The following ACSM2B variants were observed in gnomAD, a reference collection of about 807,000 sequenced individuals.
ACSM2B encodes the protein acyl-coenzyme A synthetase ACSM2B, mitochondrial.
ACSM2B carries 58 observed loss-of-function variants against 78.6 expected under a neutral mutation model. The ratio of observed to expected loss-of-function variants is 0.74; its 90% CI spans 0.60 to 0.92. The LOEUF (loss-of-function observed/expected upper bound fraction) is 0.92. Ranked by LOEUF, ACSM2B falls within the 40% of genes least tolerant of loss-of-function variation. The probability of loss-of-function intolerance (pLI) is 0.00; values close to 1 mark genes in which losing one functional copy is unlikely to be tolerated. For missense variants in ACSM2B, 688 were observed against 711.2 expected (o/e 0.97, Z 0.37); for synonymous variants, 257 against 256.8 (o/e 1.00, Z -0.01).
At chr16:20,568,401 T>C (rs2015996994) in intron 1 of ACSM2B, among the ~76,000 whole-genome samples, 1 of 146,300 alleles carries the variant, frequency 6.8e-6, no homozygotes, top group South Asian at 2.1e-4. Context: ...CTACTATATA[T>C]AAATATTTAT....
chr16:20,567,822 A>T (rs2015973440), intron 1 of ACSM2B, among the ~76,000 whole-genome samples: 1 of 141,646 alleles, frequency 7.1e-6, no homozygotes, highest in Admixed American at 7.6e-5. Context: ...ATGTATAGAT[A>T]TATAAAACTA....
chr16:20,566,634 GTATA>G (rs1435572808), intron 1 of ACSM2B, among the ~76,000 whole-genome samples: 498 of 40,186 alleles, frequency 0.012, 28 homozygotes, highest in African/African-American at 0.076. Flanking sequence ...ACTATATATA[GTATA>G]TATATACTAT....
intron 10 of ACSM2B, 199 bp downstream of exon 10, chr16:20,544,958 A>G (rs1300458968): frequency 3.0e-6 from 3 of 1,012,142 alleles, no homozygotes; most frequent in Non-Finnish European, 4.0e-6. Flanking sequence ...TTCCAATGAG[A>G]TCACAGTGAT....
intron 10 of ACSM2B, 41 bp downstream of exon 10, chr16:20,545,116 T>C (rs189182398): frequency 1.3e-6 from 2 of 1,589,164 alleles, no homozygotes; most frequent in South Asian, 2.3e-5. Context: ...AGTGCTCCCA[T>C]CCTCACTGGG....
intron 1 of ACSM2B, among the ~76,000 whole-genome samples, chr16:20,565,348 C>T (rs1467172318): frequency 3.3e-5 from 5 of 152,136 alleles, no homozygotes; most frequent in Non-Finnish European, 7.4e-5. Context: ...TCATCAGAAA[C>T]TCTCACATTT....
chr16:20,548,341 G>A (rs891121493), intron 7 of ACSM2B, 53 bp downstream of exon 7: 85 of 1,608,886 alleles, frequency 5.3e-5, no homozygotes, highest in Non-Finnish European at 6.3e-5. Flanking sequence ...TGTATGTGAG[G>A]GAGTCAGGGG....
intron 10 of ACSM2B, 148 bp downstream of exon 10, chr16:20,545,009 C>T (rs2015093396): frequency 1.7e-6 from 2 of 1,191,652 alleles, no homozygotes; most frequent in South Asian, 4.2e-5. Flanking sequence ...TTTTCTTCCA[C>T]TGGCAAAGCA....
At position 20,537,145 on chromosome 16, in the gene ACSM2B, T is replaced by C; in HGVS notation, c.*113A>G. The C allele has an allele frequency of 8.3e-6, 11 of 1,321,540 alleles. No homozygotes were observed. Among genetic ancestry groups the C allele is most frequent in the Non-Finnish European group, 1.1e-5 (10 of 941,926 alleles). The allele number at this position is 1,321,540 out of a possible 1,614,324, so 81.9% of individuals were successfully genotyped here. ...GCTAATAACCAGGGCAAGACAAAAC[T>C]TACATTCATGTTCTTTCATAAAGAA... On this transcript the variant is annotated 3_prime_UTR_variant, in exon 14 of 14. Transcript: ENST00000329697.
rs1421520259 is a variant in ACSM2B at position 20,559,362 on chromosome 16, T to C, written c.263A>G (p.Glu88Gly). The change falls in exon 3 of 14, where the codon GAA becomes GGA. Residue 88 changes from glutamate (E) to glycine (G), a missense_variant. Coordinates refer to ENST00000329697, the MANE Select transcript of ACSM2B (RefSeq NM_001105069.2). ...GATGTTGGCTGCCTGCTGGCTGTTT[T>C]CACTCAGTTCTCTGAAATTCCACAT... ...ELMWNFRELSENSQQAANILS... is the reference protein window; with the variant it reads ...ELMWNFRELSGNSQQAANILS... The C allele has an allele frequency of 2.5e-6, 4 of 1,610,848 alleles. No individual in the cohort carries two copies. The highest frequency in any genetic ancestry group is 1.7e-5 in the Admixed American group (1 of 59,750).
intron 1 of ACSM2B, among the ~76,000 whole-genome samples, chr16:20,566,092 A>G (rs1323180215): frequency 7.1e-6 from 1 of 140,458 alleles, no homozygotes; most frequent in Non-Finnish European, 1.5e-5. Flanking sequence ...TGTATGTATT[A>G]TATAGTATAT....
intron 3 of ACSM2B, among the ~76,000 whole-genome samples, chr16:20,557,804 C>T (rs1332778595): frequency 1.3e-5 from 2 of 152,140 alleles, no homozygotes; most frequent in Non-Finnish European, 2.9e-5. Flanking sequence ...CTTCCCTCCC[C>T]TGTGGCTTTG....
intron 1 of ACSM2B, among the ~76,000 whole-genome samples, chr16:20,569,291 ATT>A (rs2016025644): frequency 6.6e-6 from 1 of 151,918 alleles, no homozygotes; most frequent in Admixed American, 6.6e-5. Context: ...TGGCTTGCCA[ATT>A]ATCCCAGAAC....
chr16:20,543,058 C>G (rs769156186), intron 11 of ACSM2B, 45 bp from the exon 12 acceptor site: 4 of 1,612,932 alleles, frequency 2.5e-6, no homozygotes, highest in South Asian at 1.1e-5. Flanking sequence ...CACCGAACCT[C>G]TAGGCCATTC....
intron 2 of ACSM2B, among the ~76,000 whole-genome samples, chr16:20,562,570 C>A (rs1259484385): frequency 6.6e-6 from 1 of 152,112 alleles, no homozygotes; most frequent in African/African-American, 2.4e-5. Flanking sequence ...AACTTTAAAG[C>A]AAGGATGACA....
intron 1 of ACSM2B, among the ~76,000 whole-genome samples, chr16:20,573,125 G>A (rs1393251651): frequency 6.6e-6 from 1 of 151,600 alleles, no homozygotes; most frequent in South Asian, 2.1e-4. Context: ...TTTTTGGGGG[G>A]AGGTGTTAAA....
chr16:20,568,172 G>T (rs1229932256), intron 1 of ACSM2B, among the ~76,000 whole-genome samples: 1 of 141,326 alleles, frequency 7.1e-6, no homozygotes, highest in Non-Finnish European at 1.5e-5. Context: ...CAGGAGTGTG[G>T]CAAAATATAT....
chr16:20,557,139 T>G (rs1024879440), intron 3 of ACSM2B, among the ~76,000 whole-genome samples: 3 of 152,216 alleles, frequency 2.0e-5, no homozygotes, highest in Admixed American at 1.3e-4. Flanking sequence ...TTCTCATCCT[T>G]TTAATATAAA....
intron 2 of ACSM2B, among the ~76,000 whole-genome samples, chr16:20,560,853 C>T (rs544308938): frequency 6.6e-6 from 1 of 152,108 alleles, no homozygotes; most frequent in Non-Finnish European, 1.5e-5. Flanking sequence ...TGCAGGCTGA[C>T]CAGATTTCAA....
intron 1 of ACSM2B, among the ~76,000 whole-genome samples, chr16:20,565,429 A>C (rs535383748): frequency 1.2e-4 from 18 of 152,280 alleles, no homozygotes; most frequent in Non-Finnish European, 2.2e-4. Context: ...GAACATCAAG[A>C]AATGTGGAGT....
Sources: gnomAD v4.1 joint callset for allele counts (sites outside exome capture counted in the v4.1 genomes callset) on GRCh38, gnomAD v4.1.1 for gene constraint, MANE v1.5 for transcripts, NCBI Gene and HGNC (gene_info 2026-07-23, HGNC 2026-07-21) for gene names.